Variants in CLVS1 observed in about 807,000 individuals in gnomAD.
CLVS1 encodes the protein clavesin 1, also known as clavesin-1.
A neutral mutation model predicts 33.1 loss-of-function variants in CLVS1; 10 were observed. The ratio of observed to expected loss-of-function variants is 0.30; its 90% CI spans 0.19 to 0.51. The LOEUF (loss-of-function observed/expected upper bound fraction) is 0.51. CLVS1 is among the 20% of genes least tolerant of loss of function. CLVS1 has a pLI of 0.97. For missense variants in CLVS1, 343 were observed against 433.4 expected (o/e 0.79, Z 1.85); for synonymous variants, 163 against 166.1 (o/e 0.98, Z 0.14).
At chr8:61,435,812 C>T (rs1585971337) in intron 3 of CLVS1, among the ~76,000 whole-genome samples, 1 of 152,036 alleles carries the variant, frequency 6.6e-6, no homozygotes, top group African/African-American at 2.4e-5. Flanking sequence ...ATTTTACAGT[C>T]AATTTTTAAG....
chr8:60,980,611 C>A, the CLVS1 span, among the ~76,000 whole-genome samples: 7 of 152,192 alleles, frequency 4.6e-5, no homozygotes, highest in African/African-American at 1.7e-4. Flanking sequence ...CATGGTGAAA[C>A]CTCGCCTCCA....
At chr8:61,059,654 A>G (rs1258336772) in intron 1 of CLVS1, among the ~76,000 whole-genome samples, 1 of 151,068 alleles carries the variant, frequency 6.6e-6, no homozygotes, top group African/African-American at 2.4e-5. Context: ...TACTAAAAAT[A>G]GAAAAAATTA....
chr8:61,279,991 GATA>G (rs984925160), intron 2 of CLVS1, among the ~76,000 whole-genome samples: 1 of 137,716 alleles, frequency 7.3e-6, no homozygotes, highest in Non-Finnish European at 1.7e-5. Context: ...TTTTAAATAA[GATA>G]AAAAATCAGC....
chr8:61,158,720 G>A (rs1563425125), intron 2 of CLVS1, among the ~76,000 whole-genome samples: 1 of 151,946 alleles, frequency 6.6e-6, no homozygotes, highest in Non-Finnish European at 1.5e-5. Flanking sequence ...ACTTGAAATG[G>A]ATTCCAAAAC....
At chr8:61,464,257 G>A (rs1371454742) in intron 5 of CLVS1, among the ~76,000 whole-genome samples, 3 of 152,188 alleles carry the variant, frequency 2.0e-5, no homozygotes, top group Non-Finnish European at 2.9e-5. Context: ...GGGCAATGAC[G>A]TGAAGCACAG....
intron 2 of CLVS1, among the ~76,000 whole-genome samples, chr8:61,309,089 G>A (rs746955491): frequency 3.3e-5 from 5 of 152,166 alleles, no homozygotes; most frequent in African/African-American, 7.2e-5. Flanking sequence ...GTGTGTATTC[G>A]AATGGGACTC....
intron 5 of CLVS1, among the ~76,000 whole-genome samples, chr8:61,468,702 A>G (rs1388678492): frequency 7.1e-6 from 1 of 140,912 alleles, no homozygotes; most frequent in Non-Finnish European, 1.5e-5. Context: ...TCCCAGCCAT[A>G]TAAGTAAAAG....
At chr8:61,425,216 G>A (rs1008562850) in intron 3 of CLVS1, among the ~76,000 whole-genome samples, 1 of 152,116 alleles carries the variant, frequency 6.6e-6, no homozygotes, top group Non-Finnish European at 1.5e-5. Context: ...ATAAGCCCAT[G>A]CTCATTTGCA....
intron 5 of CLVS1, among the ~76,000 whole-genome samples, chr8:61,465,987 T>A (rs931950080): frequency 2.6e-5 from 4 of 152,222 alleles, no homozygotes; most frequent in African/African-American, 9.6e-5. Context: ...ATTTTATTTT[T>A]CAGAAGTCCA....
At chr8:61,395,264 T>C (rs184536857) in intron 3 of CLVS1, among the ~76,000 whole-genome samples, 27 of 151,790 alleles carry the variant, frequency 1.8e-4, no homozygotes, top group Non-Finnish European at 3.7e-4. Flanking sequence ...ATTTCATAGA[T>C]GCAGAAACTA....
chr8:61,059,998 G>C (rs1269980828), intron 1 of CLVS1, among the ~76,000 whole-genome samples: 2 of 152,088 alleles, frequency 1.3e-5, no homozygotes, highest in Non-Finnish European at 2.9e-5. Flanking sequence ...TCAAGTGAAT[G>C]ATACAGCTTT....
intron 2 of CLVS1, among the ~76,000 whole-genome samples, chr8:61,134,545 G>A (rs1057213160): frequency 1.4e-4 from 21 of 152,184 alleles, no homozygotes; most frequent in Non-Finnish European, 2.5e-4. Flanking sequence ...GAGTCAGCAG[G>A]GCCTTTCTGG....
intron 3 of CLVS1, among the ~76,000 whole-genome samples, chr8:61,380,359 T>C (rs1813821465): frequency 6.6e-6 from 1 of 152,212 alleles, no homozygotes; most frequent in Admixed American, 6.5e-5. Context: ...ACAATCATAT[T>C]GAAGGCCTCT....
At chr8:61,158,718 T>C (rs1806695342) in intron 2 of CLVS1, among the ~76,000 whole-genome samples, 1 of 151,880 alleles carries the variant, frequency 6.6e-6, no homozygotes, top group Non-Finnish European at 1.5e-5. Flanking sequence ...TCACTTGAAA[T>C]GGATTCCAAA....
At chr8:61,098,009 A>T (rs1298864258) in intron 1 of CLVS1, among the ~76,000 whole-genome samples, 1 of 152,136 alleles carries the variant, frequency 6.6e-6, no homozygotes, top group African/African-American at 2.4e-5. Context: ...TTTAAAAAAA[A>T]TTATCCAGGT....
At chr8:61,258,134 C>T (rs1809125616) in intron 2 of CLVS1, among the ~76,000 whole-genome samples, 3 of 152,288 alleles carry the variant, frequency 2.0e-5, no homozygotes, top group South Asian at 4.1e-4. Flanking sequence ...TGCACAAACG[C>T]TCTTGCCTTT....
chr8:61,191,105 A>G (rs2129302669), intron 2 of CLVS1, among the ~76,000 whole-genome samples: 1 of 152,322 alleles, frequency 6.6e-6, no homozygotes, highest in Non-Finnish European at 1.5e-5. Context: ...TCCCTGATGA[A>G]CATCGATGCA....
intron 1 of CLVS1, among the ~76,000 whole-genome samples, chr8:61,113,473 T>A (rs1805665595): frequency 6.6e-6 from 1 of 152,126 alleles, no homozygotes; most frequent in South Asian, 2.1e-4. Context: ...CAGAGCCATG[T>A]GGGAGAAGCC....
intron 2 of CLVS1, among the ~76,000 whole-genome samples, chr8:61,371,617 T>TC: frequency 1.3e-5 from 2 of 152,330 alleles, no homozygotes; most frequent in Middle Eastern, 3.4e-3. Context: ...TTCTTATGAG[T>TC]CTAGCACTGG....
Sources: allele counts gnomAD v4.1 joint callset (sites outside exome capture counted in the v4.1 genomes callset), GRCh38; gene constraint gnomAD v4.1.1; transcripts MANE v1.5; gene names NCBI Gene and HGNC (gene_info 2026-07-23, HGNC 2026-07-21).